ENOX1: variants seen among roughly 807,000 people sequenced by gnomAD.
ENOX1 encodes ecto-NOX disulfide-thiol exchanger 1, also known as candidate growth-related and time keeping constitutive hydroquinone (NADH) oxidase.
In ENOX1, 42 loss-of-function variants were observed where a neutral mutation model predicts 82.5. That is an observed-to-expected ratio of 0.51 (90% CI 0.40 to 0.66). ENOX1 has a LOEUF of 0.66. ENOX1 is among the 30% of genes least tolerant of loss of function. ENOX1 has a pLI of 0.00. For synonymous variants in ENOX1, 271 were observed against 282.2 expected (o/e 0.96, Z 0.40); for missense variants, 608 against 811.6 (o/e 0.75, Z 3.05).
chr13:43,575,178 G>C (rs899377690), intron 2 of ENOX1, among the ~76,000 whole-genome samples: 2 of 152,138 alleles, frequency 1.3e-5, no homozygotes, highest in Non-Finnish European at 2.9e-5. Context: ...AAGAAACCTC[G>C]TGAAGTCCTC....
rs1322552707 is a variant in ENOX1 at position 43,413,701 on chromosome 13, TTATATATTTA to T, written c.-74-723_-74-714del. 7.5e-4 allele frequency among the ~76,000 whole-genome samples: 110 copies of T among 147,090 alleles called. No individual in the cohort carries two copies. The East Asian group carries it at 0.015, about 20-fold the overall frequency. On this transcript the variant is annotated intron_variant, in intron 3 of 16. Transcript: ENST00000690772. ...GCCCAGCTTATATATATATATATTT[TTATATATTTA>T]TATATATTTATATATATATATTTAT...
chr13:43,628,766 T>C (rs1009054414), intron 2 of ENOX1, among the ~76,000 whole-genome samples: 8 of 152,180 alleles, frequency 5.3e-5, no homozygotes, highest in African/African-American at 1.9e-4. Context: ...CTTGCTCCCA[T>C]AGGGGAAGGA....
chr13:43,460,899 A>G (rs1030177524), intron 3 of ENOX1, among the ~76,000 whole-genome samples: 4 of 148,250 alleles, frequency 2.7e-5, no homozygotes, highest in African/African-American at 9.9e-5. Flanking sequence ...AGGATTGGAT[A>G]TGGCACGGAA....
At chr13:43,557,244 A>G (rs1303840361) in intron 2 of ENOX1, among the ~76,000 whole-genome samples, 1 of 152,214 alleles carries the variant, frequency 6.6e-6, no homozygotes, top group Admixed American at 6.5e-5. Context: ...ACTGTACAGA[A>G]AGAAATATCT....
intron 2 of ENOX1, among the ~76,000 whole-genome samples, chr13:43,600,130 C>T (rs1279270655): frequency 6.6e-6 from 1 of 152,062 alleles, no homozygotes; most frequent in African/African-American, 2.4e-5. Flanking sequence ...ACCCCTTACG[C>T]TTGAGAAAAG....
intron 1 of ENOX1, among the ~76,000 whole-genome samples, chr13:43,691,499 G>T (rs567999024): frequency 6.6e-6 from 1 of 151,724 alleles, no homozygotes; most frequent in Non-Finnish European, 1.5e-5. Context: ...TTTATTCCCT[G>T]GTTACAACCT....
At chr13:43,655,622 G>A (rs911230472) in intron 2 of ENOX1, among the ~76,000 whole-genome samples, 1 of 152,062 alleles carries the variant, frequency 6.6e-6, no homozygotes, top group Non-Finnish European at 1.5e-5. Flanking sequence ...TGTTCCAAAT[G>A]TTTCTTCTTG....
rs1436476964 is a variant in ENOX1, at chr13:43,786,237, G to A, written c.-285+415C>T. 2.6e-5 allele frequency among the ~76,000 whole-genome samples: 4 copies of A among 152,198 alleles called. No homozygotes were observed. Among genetic ancestry groups the A allele is most frequent in the Non-Finnish European group, 4.4e-5 (3 of 68,028 alleles). ...GAAGAGGGCAGCGGGAACACTGTGT[G>A]GGCAGGAACGGGTCCCGGGGGCGAC... is the stretch of plus-strand genomic sequence containing the variant. On this transcript the variant is annotated intron_variant, in intron 1 of 16. Transcript: ENST00000690772. The surrounding 1 kb of genome is among the most constrained non-coding windows in gnomAD (Gnocchi z 6.0).
chr13:43,330,065 T>C (rs947417470), intron 9 of ENOX1, among the ~76,000 whole-genome samples: 4 of 152,232 alleles, frequency 2.6e-5, no homozygotes, highest in Admixed American at 2.6e-4. Flanking sequence ...ATTCATTGCT[T>C]ATAGCAGGAA....
chr13:43,555,818 T>G lies in ENOX1; in HGVS notation c.-218-71666A>C, dbSNP rs1203851931. Among the ~76,000 whole-genome samples the G allele has an allele frequency of 2.0e-5, 3 of 152,350 alleles. No individual in the cohort carries two copies. In the South Asian group the frequency reaches 6.2e-4, roughly 32 times the overall value. Reference sequence around the variant, plus strand: ...AGAAAAGCAGAAAGACAAAGAACACTGCTACTCTCTGGGTTGCACATTCAT... The same window carrying G: ...AGAAAAGCAGAAAGACAAAGAACACGGCTACTCTCTGGGTTGCACATTCAT... On this transcript the variant is annotated intron_variant, in intron 2 of 16. Coordinates refer to ENST00000690772, the MANE Select transcript of ENOX1 (RefSeq NM_001347969.2).
intron 2 of ENOX1, among the ~76,000 whole-genome samples, chr13:43,606,829 A>G (rs1459502375): frequency 1.3e-5 from 2 of 152,146 alleles, no homozygotes; most frequent in African/African-American, 2.4e-5. Flanking sequence ...AGCCTGGGCC[A>G]CATGGGAAAA....
At chr13:43,702,991 G>A (rs961959135) in intron 1 of ENOX1, among the ~76,000 whole-genome samples, 15 of 130,250 alleles carry the variant, frequency 1.2e-4, no homozygotes, top group Non-Finnish European at 2.4e-4. Context: ...AAAGTTTGAG[G>A]AAGCCCTTTT....
chr13:43,592,744 T>C lies in ENOX1; in HGVS notation c.-219+74735A>G, dbSNP rs146965516. Among the ~76,000 whole-genome samples, 320 of 152,276 alleles carry C rather than the reference T, an allele frequency of 2.1e-3. 2 individuals are homozygous for C. Among genetic ancestry groups the C allele is most frequent in the African/African-American group, 6.8e-3 (284 of 41,550 alleles). On this transcript the variant is annotated intron_variant, in intron 2 of 16. Coordinates refer to ENST00000690772, the MANE Select transcript of ENOX1 (RefSeq NM_001347969.2). ...ACTAAGCCAATTTAACTTAACTGCA[T>C]TGATATTTGCCAGATTGCTATCCTC... is the stretch of plus-strand genomic sequence containing the variant.
intron 1 of ENOX1, among the ~76,000 whole-genome samples, chr13:43,719,887 C>T (rs7995281): frequency 0.01 from 1,578 of 152,270 alleles, 20 homozygotes; most frequent in African/African-American, 0.036. Flanking sequence ...ACCTCATATC[C>T]TATTTCTGAG....
intron 2 of ENOX1, among the ~76,000 whole-genome samples, chr13:43,558,886 G>T (rs1317476540): frequency 6.6e-6 from 1 of 152,140 alleles, no homozygotes; most frequent in African/African-American, 2.4e-5. Flanking sequence ...TGTATTTTCT[G>T]TCACTGAATC....
intron 1 of ENOX1, among the ~76,000 whole-genome samples, chr13:43,709,656 A>G (rs2087556850): frequency 6.6e-6 from 1 of 152,172 alleles, no homozygotes; most frequent in African/African-American, 2.4e-5. Context: ...TTCTTGGGAA[A>G]GATTCCTAAA....
intron 12 of ENOX1, among the ~76,000 whole-genome samples, chr13:43,293,394 C>G (rs567497525): frequency 3.0e-4 from 45 of 152,160 alleles, no homozygotes; most frequent in African/African-American, 9.6e-4. Flanking sequence ...TCATCACCAC[C>G]CCCACCATAG....
intron 9 of ENOX1, among the ~76,000 whole-genome samples, chr13:43,337,001 T>C (rs2048752037): frequency 6.6e-6 from 1 of 152,188 alleles, no homozygotes; most frequent in African/African-American, 2.4e-5. Flanking sequence ...ACCTTTCCAA[T>C]CTCCAGGTTG....
chr13:43,727,767 T>C (rs2089078535), intron 1 of ENOX1, among the ~76,000 whole-genome samples: 1 of 152,176 alleles, frequency 6.6e-6, no homozygotes, highest in Non-Finnish European at 1.5e-5. Context: ...ATTAACAACT[T>C]TGAGTGGTTT....
Sources: allele counts gnomAD v4.1 joint callset (sites outside exome capture counted in the v4.1 genomes callset), GRCh38; gene constraint gnomAD v4.1.1; non-coding constraint Gnocchi (gnomAD v3.1); transcripts MANE v1.5; gene names NCBI Gene and HGNC (gene_info 2026-07-23, HGNC 2026-07-21).